The following DCC variants were observed in gnomAD, a reference collection of about 807,000 sequenced individuals.
The protein encoded by DCC is netrin receptor DCC.
A neutral mutation model predicts 172.5 loss-of-function variants in DCC; 58 were observed. The ratio of observed to expected loss-of-function variants is 0.34; its 90% CI spans 0.27 to 0.42. DCC has a LOEUF of 0.42. Ranked by LOEUF, DCC falls within the 10% of genes least tolerant of loss-of-function variation. The pLI is 1.00. For synonymous variants in DCC, 709 were observed against 644.5 expected (o/e 1.10, Z -1.52); for missense variants, 1,740 against 1,791.0 (o/e 0.97, Z 0.51).
intron 12 of DCC, among the ~76,000 whole-genome samples, chr18:53,284,802 A>G (rs11872717): frequency 0.022 from 3,411 of 152,260 alleles, 67 homozygotes; most frequent in Non-Finnish European, 0.037. Context: ...CTTTGACCAA[A>G]ATGCCGATAA....
chr18:53,464,153 T>C (rs1033039626), intron 24 of DCC, among the ~76,000 whole-genome samples: 1 of 152,088 alleles, frequency 6.6e-6, no homozygotes, highest in African/African-American at 2.4e-5. Flanking sequence ...AACGAAAGAG[T>C]TCAGGTCTAT....
chr18:53,143,796 A>G (rs769660289), intron 7 of DCC, among the ~76,000 whole-genome samples: 2 of 152,228 alleles, frequency 1.3e-5, no homozygotes, highest in Non-Finnish European at 2.9e-5. Flanking sequence ...CTTCTGTCAA[A>G]ATATTTACTT....
At chr18:52,681,774 G>A (rs1283308345) in intron 1 of DCC, among the ~76,000 whole-genome samples, 1 of 152,070 alleles carries the variant, frequency 6.6e-6, no homozygotes. Flanking sequence ...ACTAACACGA[G>A]CGCAGACAAT....
At chr18:52,500,665 C>A (rs1464398487) in intron 1 of DCC, among the ~76,000 whole-genome samples, 1 of 152,122 alleles carries the variant, frequency 6.6e-6, no homozygotes, top group Non-Finnish European at 1.5e-5. Flanking sequence ...TAACTTGTAT[C>A]ATTTGAAATT....
At chr18:52,858,159 T>G (rs1025944003) in intron 2 of DCC, among the ~76,000 whole-genome samples, 2 of 152,222 alleles carry the variant, frequency 1.3e-5, no homozygotes, top group Admixed American at 6.5e-5. Context: ...AGCAATCACT[T>G]TCAGTCTTTC....
chr18:53,397,861 C>T (rs1056090485), intron 18 of DCC, among the ~76,000 whole-genome samples: 2 of 152,034 alleles, frequency 1.3e-5, no homozygotes, highest in Non-Finnish European at 2.9e-5. Context: ...GCATTACAAC[C>T]GAAGTCTCAT....
intron 14 of DCC, among the ~76,000 whole-genome samples, chr18:53,339,221 C>G (rs1207583575): frequency 6.6e-6 from 1 of 152,162 alleles, no homozygotes; most frequent in Admixed American, 6.5e-5. Flanking sequence ...AAGTACCATC[C>G]TAATCATGCT....
Position 52,888,025 on chromosome 18 carries a change from T to TA in DCC, c.413-18016dup, listed in dbSNP as rs570254975. Among the ~76,000 whole-genome samples, 94 of 152,374 alleles carry TA rather than the reference T, an allele frequency of 6.2e-4. 1 individual carries two copies. The highest frequency in any genetic ancestry group is 2.4e-3 in the Admixed American group (37 of 15,308). On this transcript the variant is annotated intron_variant, in intron 2 of 28. Coordinates refer to ENST00000442544, the MANE Select transcript of DCC (RefSeq NM_005215.4). ...AGTAAAATTAGCCTTTATCACTTAA[T>TA]AAATGAAGTGAGTCTCTTTATCCAT... is the stretch of plus-strand genomic sequence containing the variant.
At chr18:53,483,380 T>G (rs1288445871) in intron 25 of DCC, among the ~76,000 whole-genome samples, 1 of 151,906 alleles carries the variant, frequency 6.6e-6, no homozygotes, top group Non-Finnish European at 1.5e-5. Flanking sequence ...ATTTGACACT[T>G]AAAATATTTT....
chr18:53,266,238 T>C (rs1039205986), intron 12 of DCC, among the ~76,000 whole-genome samples: 5 of 152,232 alleles, frequency 3.3e-5, no homozygotes, highest in African/African-American at 1.2e-4. Context: ...AACACTGTTA[T>C]CTTGCTGTGC....
chr18:53,099,207 T>C (rs2043128244), intron 7 of DCC, among the ~76,000 whole-genome samples: 1 of 152,128 alleles, frequency 6.6e-6, no homozygotes, highest in African/African-American at 2.4e-5. Context: ...TATTGGTTTG[T>C]CTCCTGAAAG....
At chr18:52,537,764 G>A (rs983456838) in intron 1 of DCC, among the ~76,000 whole-genome samples, 7 of 152,122 alleles carry the variant, frequency 4.6e-5, no homozygotes, top group South Asian at 2.1e-4. Context: ...AGTATTTAAC[G>A]ACCATTGAGA....
intron 2 of DCC, among the ~76,000 whole-genome samples, chr18:52,858,127 G>C (rs549324653): frequency 6.6e-6 from 1 of 152,202 alleles, no homozygotes; most frequent in African/African-American, 2.4e-5. Context: ...TGTTCATGCA[G>C]TAGTTGACAT....
intron 5 of DCC, among the ~76,000 whole-genome samples, chr18:53,034,222 T>C (rs1348665927): frequency 1.3e-5 from 2 of 152,114 alleles, no homozygotes; most frequent in Non-Finnish European, 2.9e-5. Context: ...CTTAGATATC[T>C]AATAGATATC....
At chr18:52,515,301 A>T (rs1254525772) in intron 1 of DCC, among the ~76,000 whole-genome samples, 1 of 152,068 alleles carries the variant, frequency 6.6e-6, no homozygotes, top group Non-Finnish European at 1.5e-5. Context: ...TTATACAAAA[A>T]TGAACATAAA....
chr18:53,493,393 T>C (rs540665783), intron 26 of DCC, among the ~76,000 whole-genome samples: 72 of 152,318 alleles, frequency 4.7e-4, no homozygotes, highest in African/African-American at 1.7e-3. Flanking sequence ...GAGGGCATCC[T>C]TGTCTTGTGC....
chr18:52,852,135 G>A (rs2145341882), intron 2 of DCC, among the ~76,000 whole-genome samples: 1 of 152,076 alleles, frequency 6.6e-6, no homozygotes, highest in Non-Finnish European at 1.5e-5. Flanking sequence ...ATAAATTTTG[G>A]TAACATCTTC....
At chr18:53,266,469 A>C (rs567337795) in intron 12 of DCC, among the ~76,000 whole-genome samples, 1 of 152,190 alleles carries the variant, frequency 6.6e-6, no homozygotes, top group Non-Finnish European at 1.5e-5. Flanking sequence ...ATTTATTTAC[A>C]AACACTCAAA....
chr18:52,350,319 G>C (rs1984062876), intron 1 of DCC, among the ~76,000 whole-genome samples: 1 of 152,188 alleles, frequency 6.6e-6, no homozygotes, highest in South Asian at 2.1e-4. Flanking sequence ...CATTGGTTCT[G>C]TTTATGTGAT....
Sources: gnomAD v4.1 joint callset for allele counts (sites outside exome capture counted in the v4.1 genomes callset) on GRCh38, gnomAD v4.1.1 for gene constraint, MANE v1.5 for transcripts, NCBI Gene and HGNC (gene_info 2026-07-23, HGNC 2026-07-21) for gene names.